The following AK5 variants were observed in gnomAD, a reference collection of about 807,000 sequenced individuals.
AK5 encodes adenylate kinase 5.
Under a neutral mutation model 69.5 loss-of-function variants are expected in AK5, and 27 were observed. The ratio of observed to expected loss-of-function variants is 0.39; its 90% CI spans 0.29 to 0.54. The LOEUF (loss-of-function observed/expected upper bound fraction) is 0.54. Among genes scored for constraint, AK5 ranks in the 20% least tolerant of loss-of-function variants. AK5 has a pLI of 0.71. For missense variants in AK5, 531 were observed against 700.4 expected (o/e 0.76, Z 2.73); for synonymous variants, 260 against 244.4 (o/e 1.06, Z -0.60).
At position 77,528,564 on chromosome 1, in the gene AK5, T is replaced by C. The variant is rs1222779116; in HGVS notation, c.1428+6621T>C. Among the ~76,000 whole-genome samples, 4 of 152,204 alleles carry C rather than the reference T, an allele frequency of 2.6e-5. No individual in the cohort carries two copies. The East Asian group carries it at 5.8e-4, about 22-fold the overall frequency. Reference sequence around the variant, plus strand: ...CTAATGTCCACAGCTTAAGGGTAAGTCTATGTGTGGTTTCTGTTACCTTCC... The same window carrying C: ...CTAATGTCCACAGCTTAAGGGTAAGCCTATGTGTGGTTTCTGTTACCTTCC... On this transcript the variant is annotated intron_variant, in intron 12 of 13. Transcript: ENST00000354567.
In AK5 at chr1:77,477,805, C is replaced by T. The variant is rs555560035; in HGVS notation, c.1060-5512C>T. Among the ~76,000 whole-genome samples, 15 of 152,146 alleles carry T rather than the reference C, an allele frequency of 9.9e-5. No homozygotes were observed. The South Asian group carries it at 2.1e-3, about 21-fold the overall frequency. On this transcript the variant is annotated intron_variant, in intron 8 of 13. Coordinates refer to ENST00000354567, the MANE Select transcript of AK5 (RefSeq NM_174858.3). Reference sequence around the variant, plus strand: ...TCAAGTAAGCCCCTTTCTCATAACCCCATTTGAAGTTACACATTTTGCTAC... The same window carrying T: ...TCAAGTAAGCCCCTTTCTCATAACCTCATTTGAAGTTACACATTTTGCTAC...
chr1:77,296,342 A>G (rs1659001599), intron 3 of AK5, among the ~76,000 whole-genome samples: 1 of 152,182 alleles, frequency 6.6e-6, no homozygotes, highest in Non-Finnish European at 1.5e-5. Flanking sequence ...TGAACAGAAC[A>G]AAATTAAGCC....
At chr1:77,332,896 A>C (rs950621986) in intron 5 of AK5, among the ~76,000 whole-genome samples, 1 of 152,070 alleles carries the variant, frequency 6.6e-6, no homozygotes, top group African/African-American at 2.4e-5. Flanking sequence ...AAGATATATT[A>C]AAATTTGCTA....
At chr1:77,480,278 C>T (rs1655181094) in intron 8 of AK5, among the ~76,000 whole-genome samples, 1 of 152,206 alleles carries the variant, frequency 6.6e-6, no homozygotes, top group Non-Finnish European at 1.5e-5. Context: ...TGTCAGTGCA[C>T]CGCATTCCTG....
At chr1:77,523,964 C>T (rs1221432612) in intron 12 of AK5, among the ~76,000 whole-genome samples, 1 of 152,178 alleles carries the variant, frequency 6.6e-6, no homozygotes, top group African/African-American at 2.4e-5. Flanking sequence ...CCGCACCTGC[C>T]TGAAACTCTA....
chr1:77,327,131 A>C (rs1417563159), intron 5 of AK5, among the ~76,000 whole-genome samples: 2 of 152,182 alleles, frequency 1.3e-5, no homozygotes, highest in Non-Finnish European at 2.9e-5. Flanking sequence ...TCATGTCTGT[A>C]ATCCCAGCAC....
chr1:77,422,112 GCGTCTTC>G (rs1360289469), intron 8 of AK5, among the ~76,000 whole-genome samples: 1 of 152,138 alleles, frequency 6.6e-6, no homozygotes. Flanking sequence ...AGACACAAGG[GCGTCTTC>G]CTAGCCTCCT....
At chr1:77,414,705 C>A (rs191989507) in intron 7 of AK5, among the ~76,000 whole-genome samples, 2 of 152,120 alleles carry the variant, frequency 1.3e-5, no homozygotes, top group African/African-American at 4.8e-5. Context: ...AAATTCAAAA[C>A]GGGGAAAATG....
chr1:77,399,434 C>T (rs1260104528), intron 6 of AK5, among the ~76,000 whole-genome samples: 2 of 152,066 alleles, frequency 1.3e-5, no homozygotes, highest in African/African-American at 4.8e-5. Flanking sequence ...GGCTTTGAAT[C>T]GACTGTCTCC....
intron 8 of AK5, among the ~76,000 whole-genome samples, chr1:77,431,341 T>C (rs1024797118): frequency 6.6e-6 from 1 of 152,146 alleles, no homozygotes; most frequent in Non-Finnish European, 1.5e-5. Flanking sequence ...CTTTAGCAAA[T>C]GTTTATTGGG....
rs531399950 is a variant in AK5, at chr1:77,283,981, T to C, written c.60+1608T>C. On this transcript the variant is annotated intron_variant, in intron 1 of 13. Transcript: ENST00000354567. The stretch of plus-strand genomic sequence containing the variant: ...GGAAGGTAACCACAGAGAAGTTTGA[T>C]AGTTTATTAAAATCTACACTGTGCA... Among the ~76,000 whole-genome samples, 12 of 152,102 alleles carry C rather than the reference T, an allele frequency of 7.9e-5. No homozygotes were observed. The East Asian group carries it at 2.1e-3, about 27-fold the overall frequency.
At chr1:77,557,557 T>C (rs1015144539) in intron 13 of AK5, among the ~76,000 whole-genome samples, 1 of 152,116 alleles carries the variant, frequency 6.6e-6, no homozygotes, top group African/African-American at 2.4e-5. Context: ...CCTTCATATG[T>C]CCTCCTTGGG....
At chr1:77,286,834 G>A in intron 1 of AK5, 107 bp from the exon 2 acceptor site, 3 of 685,046 alleles carry the variant, frequency 4.4e-6, no homozygotes, top group Non-Finnish European at 6.2e-6. Flanking sequence ...GCAGCAGAGT[G>A]AGACTCTATT....
intron 5 of AK5, among the ~76,000 whole-genome samples, chr1:77,335,614 A>G (rs1661308527): frequency 6.6e-6 from 1 of 152,194 alleles, no homozygotes; most frequent in Non-Finnish European, 1.5e-5. Flanking sequence ...CAATTTAAGT[A>G]TATTTTCCCT....
intron 10 of AK5, among the ~76,000 whole-genome samples, chr1:77,504,722 G>A (rs1025714006): frequency 2.0e-5 from 3 of 152,128 alleles, no homozygotes; most frequent in African/African-American, 7.2e-5. Flanking sequence ...AATCTCCCTT[G>A]TGTCTCCTCC....
intron 6 of AK5, among the ~76,000 whole-genome samples, chr1:77,384,277 A>G (rs1284194097): frequency 6.6e-6 from 1 of 152,174 alleles, no homozygotes; most frequent in African/African-American, 2.4e-5. Flanking sequence ...AGTGTTTTAC[A>G]CTATGGTTGT....
chr1:77,380,010 A>G (rs1647517398), intron 6 of AK5, among the ~76,000 whole-genome samples: 1 of 152,230 alleles, frequency 6.6e-6, no homozygotes, highest in South Asian at 2.1e-4. Context: ...ATTATTAATG[A>G]TAAATCCTGA....
chr1:77,554,662 G>A lies in AK5; in HGVS notation c.1621-3940G>A, dbSNP rs186897383. ...ACTCTGTTGCCCAGGCTGGAGTGCAGTGGCGCGATCTCAGCTCACTGTCAG... is the reference window on the plus strand; with the variant it reads ...ACTCTGTTGCCCAGGCTGGAGTGCAATGGCGCGATCTCAGCTCACTGTCAG... On this transcript the variant is annotated intron_variant, in intron 13 of 13. Coordinates refer to ENST00000354567, the MANE Select transcript of AK5 (RefSeq NM_174858.3). Among the ~76,000 whole-genome samples the A allele has an allele frequency of 5.8e-3, 882 of 152,226 alleles. 10 individuals carry two copies. The highest frequency in any genetic ancestry group is 0.021 in the African/African-American group (854 of 41,536).
intron 6 of AK5, among the ~76,000 whole-genome samples, chr1:77,345,388 A>G (rs1321925575): frequency 1.3e-5 from 2 of 152,206 alleles, no homozygotes; most frequent in African/African-American, 4.8e-5. Flanking sequence ...CACCAATACC[A>G]GGTTTCCTGG....
Sources: allele counts gnomAD v4.1 joint callset (sites outside exome capture counted in the v4.1 genomes callset), GRCh38; gene constraint gnomAD v4.1.1; transcripts MANE v1.5; gene names NCBI Gene and HGNC (gene_info 2026-07-23, HGNC 2026-07-21).